Variants in YTHDC2 observed in about 807,000 individuals in gnomAD.
YTHDC2 encodes the protein YTH N6-methyladenosine RNA binding protein C2, also known as 3'-5' RNA helicase YTHDC2.
A neutral mutation model predicts 174.9 loss-of-function variants in YTHDC2; 45 were observed. That is an observed-to-expected ratio of 0.26 (90% CI 0.20 to 0.33). The LOEUF is 0.33. Ranked by LOEUF, YTHDC2 falls within the 10% of genes least tolerant of loss-of-function variation. The pLI is 1.00. For missense variants in YTHDC2, 1,650 were observed against 1,723.7 expected (o/e 0.96, Z 0.76); for synonymous variants, 657 against 574.5 (o/e 1.14, Z -2.05).
intron 4 of YTHDC2, among the ~76,000 whole-genome samples, chr5:113,529,303 A>G (rs1438557674): frequency 6.6e-6 from 1 of 152,162 alleles, no homozygotes; most frequent in Non-Finnish European, 1.5e-5. Context: ...CTAAGAAGTG[A>G]TAGAGTAGGA....
At chr5:113,519,961 G>A (rs1050737203) in intron 2 of YTHDC2, among the ~76,000 whole-genome samples, 3 of 152,084 alleles carry the variant, frequency 2.0e-5, no homozygotes, top group Non-Finnish European at 4.4e-5. Context: ...GTATACATGT[G>A]CCCTGGTGGT....
chr5:113,570,565 T>C (rs971797970), intron 23 of YTHDC2, among the ~76,000 whole-genome samples: 1 of 152,212 alleles, frequency 6.6e-6, no homozygotes, highest in Non-Finnish European at 1.5e-5. Context: ...AAGAAGCTTT[T>C]GGACTGAGAT....
chr5:113,561,452 T>G lies in YTHDC2; in HGVS notation c.2322+267T>G, dbSNP rs1484826135. 9.8e-5 allele frequency among the ~76,000 whole-genome samples: 14 copies of G among 142,604 alleles called. No homozygotes were observed. In the South Asian group the frequency reaches 2.3e-3, roughly 24 times the overall value. 93.6% of individuals were successfully genotyped at this position (142,604 alleles called of 152,430 possible). ...TATATATATATTTTTTATCTATCTA[T>G]CTATCTATCTATCTATCTATATTTT... On this transcript the variant is annotated intron_variant, in intron 18 of 29. Transcript: ENST00000161863.
In YTHDC2 at chr5:113,553,783, C is replaced by A; in HGVS notation, c.1981C>A (p.Leu661Ile). The stretch of plus-strand genomic sequence containing the variant: ...TGTCTGCAGATACCAAGTCTTTATG[C>A]TTCATTCAAATATGCAAACATCCGA... Reference protein sequence around the residue: ...DSTHRYQVFMLHSNMQTSDQK... With the variant: ...DSTHRYQVFMIHSNMQTSDQK... Residue 661 changes from leucine to isoleucine, a missense_variant, in exon 15 of 30, where the codon CTT becomes ATT. Leu to Ile is a conservative substitution (Grantham distance 5). Coordinates refer to ENST00000161863, the MANE Select transcript of YTHDC2 (RefSeq NM_022828.5). 2 of 1,612,466 alleles carry A rather than the reference C, an allele frequency of 1.2e-6. No individual in the cohort carries two copies. The highest frequency in any genetic ancestry group is 1.7e-4 in the Middle Eastern group (1 of 6,054).
In YTHDC2 at chr5:113,554,036, A is replaced by G; in HGVS notation, c.2133+14A>G. ...AAGGTGAAAGAGGTATGTATGGGTA[A>G]GTTGTAGTTTTACTTAAATGAAGAA... On this transcript the variant is annotated intron_variant, in intron 16 of 29. Transcript: ENST00000161863. 6.7e-7 allele frequency: 1 copy of G among 1,496,490 alleles called. No individual in the cohort carries two copies. The highest frequency in any genetic ancestry group is 1.9e-4 in the Middle Eastern group (1 of 5,340). The allele number at this position is 1,496,490 out of a possible 1,614,324, so 92.7% of individuals were successfully genotyped here. A position where few individuals can be genotyped will look rare whatever the true frequency, so the allele number is the denominator to read the frequency against.
At chr5:113,573,174 T>A (rs140948554) in intron 23 of YTHDC2, among the ~76,000 whole-genome samples, 1 of 152,158 alleles carries the variant, frequency 6.6e-6, no homozygotes, top group African/African-American at 2.4e-5. Flanking sequence ...TGGTGACATA[T>A]TCCCTCAGCA....
At chr5:113,586,681 T>TTA (rs970693265) in intron 26 of YTHDC2, among the ~76,000 whole-genome samples, 1 of 151,180 alleles carries the variant, frequency 6.6e-6, no homozygotes, top group African/African-American at 2.4e-5. Context: ...TAATTTTCGT[T>TTA]TATAGTATGG....
chr5:113,527,138 C>G (rs1267157920), intron 4 of YTHDC2, among the ~76,000 whole-genome samples: 2 of 152,090 alleles, frequency 1.3e-5, no homozygotes. Context: ...GTTCCAGGCT[C>G]TTTTTGTAAC....
Position 113,563,900 on chromosome 5 carries a change from T to A in YTHDC2, c.2484T>A (p.Leu828=). ...ATACATGGGAAGATCTGACTGAACTTGGGTATCATTTGGCTGACTTGCCAG... is the reference window on the plus strand; with the variant it reads ...ATACATGGGAAGATCTGACTGAACTAGGGTATCATTTGGCTGACTTGCCAG... ...AMDTWEDLTE[L]GYHLADLPVE... The change falls in exon 20 of 30, where the codon CTT becomes CTA. Residue 828 remains leucine (L), a synonymous_variant. Coordinates refer to ENST00000161863, the MANE Select transcript of YTHDC2 (RefSeq NM_022828.5). The A allele has an allele frequency of 6.2e-7, 1 of 1,614,208 alleles. No homozygotes were observed. Among genetic ancestry groups the A allele is most frequent in the South Asian group, 1.1e-5 (1 of 91,086 alleles).
In YTHDC2 at chr5:113,547,403, C is replaced by A. The variant is rs182982591; in HGVS notation, c.1496-1138C>A. ...CAACAAACCCACCTCAAAAAACAAA[C>A]CCCAAAGCAAAATAAAAATACATGC... On this transcript the variant is annotated intron_variant, in intron 10 of 29. Transcript: ENST00000161863. 6.6e-3 allele frequency among the ~76,000 whole-genome samples: 1,008 copies of A among 152,266 alleles called. 7 individuals carry two copies. The highest frequency in any genetic ancestry group is 0.014 in the Middle Eastern group (4 of 294).
intron 4 of YTHDC2, among the ~76,000 whole-genome samples, chr5:113,527,835 C>A (rs1774371984): frequency 6.6e-6 from 1 of 152,108 alleles, no homozygotes; most frequent in Non-Finnish European, 1.5e-5. Flanking sequence ...GTCACCCAGG[C>A]TGGAGTGCAG....
Position 113,514,011 on chromosome 5 carries a change from T to C in YTHDC2, c.116T>C (p.Ile39Thr). The C allele has an allele frequency of 1.2e-6, 2 of 1,609,946 alleles. No homozygotes were observed. Among genetic ancestry groups the C allele is most frequent in the East Asian group, 4.5e-5 (2 of 44,746 alleles). The change falls in exon 1 of 30, where the codon ATT becomes ACT. Residue 39 changes from isoleucine (I) to threonine (T), a missense_variant. Ile to Thr is a moderately conservative substitution (Grantham distance 89, BLOSUM62 -1). Coordinates refer to ENST00000161863, the MANE Select transcript of YTHDC2 (RefSeq NM_022828.5). ...GGGRAKGLKD[I>T]RIDEEVKIAV... is the part of the protein sequence containing the mutation. ...GGCCGGGCCAAGGGGCTGAAGGACATTCGCATTGATGAGGAGGTGAAGATC... is the reference window on the plus strand; with the variant it reads ...GGCCGGGCCAAGGGGCTGAAGGACACTCGCATTGATGAGGAGGTGAAGATC...
intron 2 of YTHDC2, among the ~76,000 whole-genome samples, chr5:113,522,214 T>C (rs1354805672): frequency 1.3e-5 from 2 of 150,966 alleles, no homozygotes; most frequent in Admixed American, 1.3e-4. Flanking sequence ...TTTTAAGCAG[T>C]CATTTGAGAT....
In YTHDC2 at chr5:113,581,520, T is replaced by A. The variant is rs1329265222; in HGVS notation, c.3458T>A (p.Ile1153Lys). The A allele has an allele frequency of 3.1e-6, 5 of 1,614,004 alleles. No individual in the cohort carries two copies. The East Asian group carries it at 8.9e-5, about 29-fold the overall frequency. Residue 1153 changes from isoleucine to lysine, a missense_variant, in exon 25 of 30, where the codon ATA becomes AAA. Transcript: ENST00000161863. ...KPWSQVDEAT[I>K]RAIIAVLSTE... ...TGGTCTCAAGTTGATGAAGCTACCA[T>A]AAGAGCAATTATAGCTGTTTTAAGC...
In YTHDC2 at chr5:113,567,027, G is replaced by A. The variant is rs1777379049; in HGVS notation, c.2843-65G>A. ...ATTTACATGAGTTGTACAAGTTTTT[G>A]GAAAAAATACACAAAAGTATCTTTT... On this transcript the variant is annotated intron_variant, in intron 21 of 29. Transcript: ENST00000161863. 1.1e-5 allele frequency: 17 copies of A among 1,505,908 alleles called. No homozygotes were observed. In the South Asian group the frequency reaches 2.1e-4, roughly 19 times the overall value. The allele number at this position is 1,505,908 out of a possible 1,614,324, so 93.3% of individuals were successfully genotyped here.
intron 12 of YTHDC2, 23 bp downstream of exon 12, chr5:113,549,043 A>G (rs768559018): frequency 6.3e-7 from 1 of 1,580,002 alleles, no homozygotes; most frequent in South Asian, 1.1e-5. Context: ...ACTATTTTAA[A>G]TTAATTCTAC....
rs922377763 is a variant in YTHDC2, at chr5:113,535,778, G to A, written c.1082G>A (p.Gly361Glu). ...GTAAATCTCTTTATAAGATATTTTGGAAGTTGTCCAGTGATATATAGTAAG... is the reference window on the plus strand; with the variant it reads ...GTAAATCTCTTTATAAGATATTTTGAAAGTTGTCCAGTGATATATAGTAAG... ...LDVNLFIRYF[G>E]SCPVIYIQGR... Residue 361 changes from glycine (G) to glutamate (E), a missense_variant, in exon 7 of 30, where the codon GGA becomes GAA. This residue lies in a region of YTHDC2 where 411 missense variants were observed against 380.6 expected (regional missense o/e 1.08). Coordinates refer to ENST00000161863, the MANE Select transcript of YTHDC2 (RefSeq NM_022828.5). 1.2e-6 allele frequency: 2 copies of A among 1,610,058 alleles called. No individual in the cohort carries two copies. Among genetic ancestry groups the A allele is most frequent in the Non-Finnish European group, 8.5e-7 (1 of 1,178,400 alleles).
Position 113,553,986 on chromosome 5 carries a change from T to C in YTHDC2, c.2097T>C (p.Asp699=), listed in dbSNP as rs918205674. 13 of 1,578,700 alleles carry C rather than the reference T, an allele frequency of 8.2e-6. No homozygotes were observed. Among genetic ancestry groups the C allele is most frequent in the Non-Finnish European group, 1.0e-5 (12 of 1,164,324 alleles). The change falls in exon 16 of 30, where the codon GAT becomes GAC. Residue 699 remains aspartate, a synonymous_variant. Transcript: ENST00000161863. Reference sequence around the variant, plus strand: ...CTGAAACCAGCATCACAGTCAATGATGTTGTCTTTGTTATTGATTCTGGTA... The same window carrying C: ...CTGAAACCAGCATCACAGTCAATGACGTTGTCTTTGTTATTGATTCTGGTA... ...NIAETSITVN[D]VVFVIDSGKV... is the part of the protein sequence containing the mutation.
intron 3 of YTHDC2, 140 bp downstream of exon 3, chr5:113,525,317 T>C: frequency 1.2e-6 from 1 of 827,972 alleles, no homozygotes; most frequent in South Asian, 2.2e-5. Flanking sequence ...TTAAGAGTTG[T>C]AAAAATTTGA....
Sources: allele counts gnomAD v4.1 joint callset (sites outside exome capture counted in the v4.1 genomes callset), GRCh38; gene constraint gnomAD v4.1.1; regional missense constraint gnomAD v4.1.1; transcripts MANE v1.5; gene names NCBI Gene and HGNC (gene_info 2026-07-23, HGNC 2026-07-21).